Variants in PALM2AKAP2 observed in about 807,000 individuals in gnomAD.
PALM2AKAP2 encodes the protein PALM2 and AKAP2 fusion.
Under a neutral mutation model 71.5 loss-of-function variants are expected in PALM2AKAP2, and 37 were observed. The observed-to-expected ratio is 0.52, with a 90% CI of 0.40 to 0.68. PALM2AKAP2 has a LOEUF of 0.68. Among genes scored for constraint, PALM2AKAP2 ranks in the 30% least tolerant of loss-of-function variants. The pLI, the probability that PALM2AKAP2 is intolerant of heterozygous loss-of-function variation, is 0.00. For synonymous variants in PALM2AKAP2, 468 were observed against 478.8 expected, an observed-to-expected ratio of 0.98 and a Z score of 0.29; for missense variants, 1,224 against 1,191.8, an observed-to-expected ratio of 1.03 and a Z score of -0.40.
chr9:109,692,851 A>C (rs1827918287), intron 1 of PALM2AKAP2, among the ~76,000 whole-genome samples: 1 of 151,920 alleles, frequency 6.6e-6, no homozygotes, highest in African/African-American at 2.4e-5. Flanking sequence ...AAAAATTTAA[A>C]AGTTTTGCAT....
At chr9:110,061,025 G>T (rs552067498) in intron 1 of PALM2AKAP2, among the ~76,000 whole-genome samples, 2 of 152,038 alleles carry the variant, frequency 1.3e-5, no homozygotes, top group African/African-American at 2.4e-5. Flanking sequence ...CCTTTGTCCC[G>T]TTAAGGTAAC....
At chr9:109,856,220 C>T (rs1020338368) in intron 1 of PALM2AKAP2, among the ~76,000 whole-genome samples, 2 of 152,192 alleles carry the variant, frequency 1.3e-5, no homozygotes, top group East Asian at 1.9e-4. Flanking sequence ...CACAAAAGTA[C>T]GTCTAAGATG....
At chr9:109,813,128 C>G (rs1335335368) in intron 1 of PALM2AKAP2, among the ~76,000 whole-genome samples, 1 of 152,196 alleles carries the variant, frequency 6.6e-6, no homozygotes, top group Non-Finnish European at 1.5e-5. Flanking sequence ...CAGAGCAGAT[C>G]AGATAAAGCC....
At chr9:109,840,991 A>G (rs1171087184) in intron 1 of PALM2AKAP2, among the ~76,000 whole-genome samples, 1 of 152,232 alleles carries the variant, frequency 6.6e-6, no homozygotes, top group Non-Finnish European at 1.5e-5. Context: ...TAGAAATACC[A>G]TTTGACCCAG....
intron 1 of PALM2AKAP2, among the ~76,000 whole-genome samples, chr9:109,747,692 C>G (rs1157145566): frequency 2.0e-5 from 3 of 151,544 alleles, no homozygotes; most frequent in Non-Finnish European, 4.4e-5. Flanking sequence ...TTTTTTGAGA[C>G]AGAGTCTCAC....
At chr9:109,789,745 A>T (rs1352887030) in intron 1 of PALM2AKAP2, among the ~76,000 whole-genome samples, 1 of 152,184 alleles carries the variant, frequency 6.6e-6, no homozygotes, top group Non-Finnish European at 1.5e-5. Flanking sequence ...CACAGCTGAG[A>T]TCTATTTCTG....
chr9:110,048,660 C>A, upstream of PALM2AKAP2: 2 of 1,485,436 alleles, frequency 1.3e-6, no homozygotes, highest in South Asian at 1.3e-5. Context: ...GGCGGGGCTC[C>A]CCGCCCTCCA....
intron 6 of PALM2AKAP2, among the ~76,000 whole-genome samples, chr9:109,999,372 A>G (rs1297838091): frequency 6.6e-6 from 1 of 151,900 alleles, no homozygotes; most frequent in Non-Finnish European, 1.5e-5. Flanking sequence ...ATAAATAAAT[A>G]AAATAAAAAC....
Position 110,076,512 on chromosome 9 carries a change from G to T in PALM2AKAP2, c.156+27657G>T, listed in dbSNP as rs577009. ...TTCTACATATATATATATATATATAGGTATATATACCTCCAAAAGGATGCT... is the reference window on the plus strand; with the variant it reads ...TTCTACATATATATATATATATATATGTATATATACCTCCAAAAGGATGCT... On this transcript the variant is annotated intron_variant, in intron 1 of 3. Coordinates refer to ENST00000374525, the Ensembl canonical transcript of PALM2AKAP2. 2.9e-3 allele frequency among the ~76,000 whole-genome samples: 195 copies of T among 67,768 alleles called. 1 individual carries two copies. Among genetic ancestry groups the T allele is most frequent in the African/African-American group, 7.1e-3 (71 of 9,956 alleles). 44.5% of individuals were successfully genotyped at this position (67,768 alleles called of 152,430 possible).
At chr9:109,668,403 G>A (rs1426033133) in intron 1 of PALM2AKAP2, among the ~76,000 whole-genome samples, 1 of 152,204 alleles carries the variant, frequency 6.6e-6, no homozygotes, top group East Asian at 1.9e-4. Context: ...TCATCCCAAA[G>A]AGAAAGGAAC....
At chr9:109,828,274 G>T (rs1421347217) in intron 1 of PALM2AKAP2, among the ~76,000 whole-genome samples, 1 of 152,146 alleles carries the variant, frequency 6.6e-6, no homozygotes, top group Non-Finnish European at 1.5e-5. Flanking sequence ...ACCAGGCTAT[G>T]TCCCAATTAA....
intron 1 of PALM2AKAP2, among the ~76,000 whole-genome samples, chr9:109,864,445 C>G (rs1397306501): frequency 2.0e-5 from 3 of 152,198 alleles, no homozygotes; most frequent in African/African-American, 4.8e-5. Context: ...ATTTGTCCTT[C>G]TCTTTCCATT....
At chr9:110,155,591 A>C (rs1349329602) in intron 2 of PALM2AKAP2, among the ~76,000 whole-genome samples, 2 of 152,162 alleles carry the variant, frequency 1.3e-5, no homozygotes, top group Non-Finnish European at 2.9e-5. Flanking sequence ...AAATCTCCTC[A>C]TTCCCAAGGC....
intron 6 of PALM2AKAP2, chr9:109,942,864 G>A (rs1831409083): frequency 1.2e-6 from 2 of 1,614,142 alleles, no homozygotes; most frequent in East Asian, 2.2e-5. Flanking sequence ...AAAATGGAGT[G>A]CACAAATTAA....
At chr9:109,658,239 G>A (rs931811379) in intron 1 of PALM2AKAP2, among the ~76,000 whole-genome samples, 8 of 152,216 alleles carry the variant, frequency 5.3e-5, no homozygotes, top group Admixed American at 5.2e-4. Context: ...GTTAGTCCAT[G>A]GATGGTGTTT....
At chr9:110,085,402 C>T (rs1002151634) in intron 1 of PALM2AKAP2, among the ~76,000 whole-genome samples, 8 of 152,122 alleles carry the variant, frequency 5.3e-5, no homozygotes, top group African/African-American at 1.9e-4. Context: ...GTCTAGCAGT[C>T]AACTAAGCAA....
intron 6 of PALM2AKAP2, among the ~76,000 whole-genome samples, chr9:110,007,416 A>G (rs1832805719): frequency 6.6e-6 from 1 of 152,234 alleles, no homozygotes; most frequent in African/African-American, 2.4e-5. Context: ...TCTGAGCATC[A>G]ACAAATCCCA....
intron 1 of PALM2AKAP2, among the ~76,000 whole-genome samples, chr9:109,726,643 G>A (rs1325613484): frequency 1.3e-5 from 2 of 152,146 alleles, no homozygotes; most frequent in African/African-American, 4.8e-5. Flanking sequence ...ATATATATGT[G>A]TGTATGTGTG....
intron 3 of PALM2AKAP2, among the ~76,000 whole-genome samples, chr9:110,167,714 G>A (rs995245796): frequency 6.6e-6 from 1 of 151,816 alleles, no homozygotes; most frequent in Non-Finnish European, 1.5e-5. Context: ...GGCTTTTTTA[G>A]TTTAATTTTG....
Sources: allele counts gnomAD v4.1 joint callset (sites outside exome capture counted in the v4.1 genomes callset), GRCh38; gene constraint gnomAD v4.1.1; transcripts MANE v1.5; gene names NCBI Gene and HGNC (gene_info 2026-07-23, HGNC 2026-07-21).